Variants in ITGB5 observed in about 807,000 individuals in gnomAD.
ITGB5 encodes the protein integrin subunit beta 5.
Under a neutral mutation model 84.8 loss-of-function variants are expected in ITGB5, and 38 were observed. That is an observed-to-expected ratio of 0.45 (90% CI 0.35 to 0.59). The LOEUF is 0.59. Among genes scored for constraint, ITGB5 ranks in the 20% least tolerant of loss-of-function variants. ITGB5 has a pLI of 0.01. For missense variants in ITGB5, 905 were observed against 1,034.5 expected (o/e 0.87, Z 1.72); for synonymous variants, 393 against 414.4 (o/e 0.95, Z 0.63).
chr3:124,858,813 A>C (rs1003902081), intron 3 of ITGB5, among the ~76,000 whole-genome samples: 23 of 152,158 alleles, frequency 1.5e-4, no homozygotes, highest in African/African-American at 5.5e-4. Flanking sequence ...ATAAAAAATA[A>C]AGTAGAATGC....
intron 13 of ITGB5, 149 bp downstream of exon 13, chr3:124,766,074 AAAG>A (rs965569541): frequency 1.8e-5 from 15 of 814,344 alleles, no homozygotes; most frequent in Admixed American, 5.4e-5. Flanking sequence ...AAAAAAAAAA[AAAG>A]AAAAAGAAGA....
intron 9 of ITGB5, among the ~76,000 whole-genome samples, chr3:124,797,080 C>T (rs371986225): frequency 2.0e-5 from 3 of 152,194 alleles, no homozygotes; most frequent in African/African-American, 7.2e-5. Flanking sequence ...TCCCCATGAC[C>T]CTGAGGAAAT....
chr3:124,808,474 G>A (rs1195948217), intron 9 of ITGB5, among the ~76,000 whole-genome samples: 1 of 152,160 alleles, frequency 6.6e-6, no homozygotes, highest in Non-Finnish European at 1.5e-5. Context: ...CAAGTCCTTG[G>A]TTTAGCGCAG....
At chr3:124,809,664 C>T (rs1437424442) in intron 8 of ITGB5, among the ~76,000 whole-genome samples, 2 of 152,124 alleles carry the variant, frequency 1.3e-5, no homozygotes, top group African/African-American at 2.4e-5. Flanking sequence ...TACACCCTGT[C>T]ATTCACATCC....
At chr3:124,897,361 C>T (rs191713763) in intron 1 of ITGB5, among the ~76,000 whole-genome samples, 1 of 152,272 alleles carries the variant, frequency 6.6e-6, no homozygotes, top group African/African-American at 2.4e-5. Flanking sequence ...TCCCTGCTTG[C>T]CCTCCCAAAG....
At chr3:124,854,607 G>A (rs1226818964) in intron 3 of ITGB5, among the ~76,000 whole-genome samples, 1 of 152,156 alleles carries the variant, frequency 6.6e-6, no homozygotes, top group Non-Finnish European at 1.5e-5. Flanking sequence ...AGGGGAGGGT[G>A]GGAGACGGTA....
chr3:124,869,139 C>T (rs2065439051), intron 2 of ITGB5, among the ~76,000 whole-genome samples: 1 of 152,188 alleles, frequency 6.6e-6, no homozygotes, highest in South Asian at 2.1e-4. Flanking sequence ...GAACCTGGCC[C>T]TCACCGGCTG....
At chr3:124,796,969 G>T in intron 9 of ITGB5, 152 bp from the exon 10 acceptor site, 1 of 692,662 alleles carries the variant, frequency 1.4e-6, no homozygotes. Context: ...AGTAGGAAGA[G>T]ACCTCAGAAC....
rs527922837 is a variant in ITGB5, at chr3:124,859,597, C to G, written c.157-151G>C. On this transcript the variant is annotated intron_variant, in intron 2 of 14. Transcript: ENST00000296181. Reference sequence around the variant, plus strand: ...AAATGGAGGAAATGGTAATCCCTATCCCAGATGCTTCACCAAGTATTGTAA... The same window carrying G: ...AAATGGAGGAAATGGTAATCCCTATGCCAGATGCTTCACCAAGTATTGTAA... The G allele has an allele frequency of 4.3e-4, 273 of 635,796 alleles. 2 individuals carry two copies. The Middle Eastern group carries it at 4.6e-3, about 11-fold the overall frequency. The allele number at this position is 635,796 out of a possible 1,614,324, so 39.4% of individuals were successfully genotyped here.
intron 3 of ITGB5, among the ~76,000 whole-genome samples, chr3:124,857,586 T>C (rs1029243468): frequency 5.9e-5 from 9 of 152,190 alleles, no homozygotes; most frequent in South Asian, 2.1e-4. Context: ...TCCTAGACCA[T>C]GGGATAGAAG....
intron 10 of ITGB5, among the ~76,000 whole-genome samples, chr3:124,783,860 C>T (rs1012760193): frequency 6.6e-6 from 1 of 152,168 alleles, no homozygotes; most frequent in Non-Finnish European, 1.5e-5. Flanking sequence ...TTTAGAGATA[C>T]AAACAATGAC....
chr3:124,867,924 T>G (rs572719228), intron 2 of ITGB5, among the ~76,000 whole-genome samples: 1 of 152,346 alleles, frequency 6.6e-6, no homozygotes, highest in African/African-American at 2.4e-5. Context: ...GTAATCCCTA[T>G]AATTCCCATA....
At chr3:124,843,869 A>T (rs1423251138) in intron 4 of ITGB5, among the ~76,000 whole-genome samples, 1 of 152,208 alleles carries the variant, frequency 6.6e-6, no homozygotes, top group African/African-American at 2.4e-5. Context: ...ATAAAAAATA[A>T]AATATATATG....
At chr3:124,839,148 G>A (rs547726565) in intron 5 of ITGB5, among the ~76,000 whole-genome samples, 84 of 152,328 alleles carry the variant, frequency 5.5e-4, no homozygotes, top group Non-Finnish European at 7.9e-4. Context: ...GCATAATTCT[G>A]AGCAATCATT....
intron 5 of ITGB5, among the ~76,000 whole-genome samples, chr3:124,837,116 C>T (rs370877873): frequency 2.0e-5 from 3 of 152,286 alleles, no homozygotes; most frequent in East Asian, 3.9e-4. Flanking sequence ...ACTTCTTTAA[C>T]CTGAGAGCCA....
At chr3:124,834,238 T>C (rs1022695519) in intron 5 of ITGB5, among the ~76,000 whole-genome samples, 1 of 151,982 alleles carries the variant, frequency 6.6e-6, no homozygotes, top group Non-Finnish European at 1.5e-5. Flanking sequence ...GATAATGATG[T>C]GTCAACACTG....
intron 12 of ITGB5, among the ~76,000 whole-genome samples, chr3:124,767,060 G>T (rs1035122103): frequency 1.3e-5 from 2 of 152,242 alleles, no homozygotes; most frequent in Admixed American, 6.5e-5. Context: ...CCCTGTCCAG[G>T]CATTACCTAC....
chr3:124,810,955 T>C (rs1055577402), intron 8 of ITGB5, among the ~76,000 whole-genome samples: 20 of 152,172 alleles, frequency 1.3e-4, no homozygotes, highest in Admixed American at 5.2e-4. Flanking sequence ...GCTGAGCATA[T>C]AGTGCTAAAG....
chr3:124,857,679 T>A (rs985582124), intron 3 of ITGB5, among the ~76,000 whole-genome samples: 1 of 152,224 alleles, frequency 6.6e-6, no homozygotes, highest in South Asian at 2.1e-4. Context: ...CACATGCACA[T>A]CTAACCCTTT....
Sources: allele counts gnomAD v4.1 joint callset (sites outside exome capture counted in the v4.1 genomes callset), GRCh38; gene constraint gnomAD v4.1.1; transcripts MANE v1.5; gene names NCBI Gene and HGNC (gene_info 2026-07-23, HGNC 2026-07-21).